Variants in FOXN3 observed in about 807,000 individuals in gnomAD.
The protein encoded by FOXN3 is forkhead box protein N3.
A neutral mutation model predicts 38.4 loss-of-function variants in FOXN3; 7 were observed. The ratio of observed to expected loss-of-function variants is 0.18; its 90% CI spans 0.10 to 0.34. FOXN3 has a LOEUF of 0.34. Among genes scored for constraint, FOXN3 ranks in the 10% least tolerant of loss-of-function variants. The pLI, the probability that FOXN3 is intolerant of heterozygous loss-of-function variation, is 1.00. For missense variants in FOXN3, 456 were observed against 613.4 expected, an observed-to-expected ratio of 0.74 and a Z score of 2.71; for synonymous variants, 230 against 242.2, an observed-to-expected ratio of 0.95 and a Z score of 0.47.
rs1895880432 is a variant in FOXN3 at position 89,588,063 on chromosome 14, TG to T, written c.-15+30964del. The stretch of plus-strand genomic sequence containing the variant: ...GTGGGAGGTGACTGGATCATGGGGA[TG>T]GATTTCTCATGAAAGGTTTAGCACC... On this transcript the variant is annotated intron_variant, in intron 1 of 6. Coordinates refer to the FOXN3 transcript ENST00000345097. Among the ~76,000 whole-genome samples, 4 of 152,158 alleles carry T rather than the reference TG, an allele frequency of 2.6e-5. No individual in the cohort carries two copies. The South Asian group carries it at 8.3e-4, about 32-fold the overall frequency.
intron 4 of FOXN3, among the ~76,000 whole-genome samples, chr14:89,228,735 A>T (rs1460145949): frequency 6.6e-6 from 1 of 152,234 alleles, no homozygotes; most frequent in Non-Finnish European, 1.5e-5. Context: ...TCATTTCCTG[A>T]CAGAGGACTT....
chr14:89,412,175 G>C lies in FOXN3; in HGVS notation c.302C>G (p.Ser101Cys). The change falls in exon 2 of 6, where the codon TCT becomes TGT. Residue 101 changes from serine (S) to cysteine (C), a missense_variant. Around this residue, in one of 3 missense-constraint regions of FOXN3, gnomAD observed 386 missense variants for 505.2 expected, o/e 0.76. Transcript: ENST00000557258. The surrounding 1 kb of genome is among the most constrained non-coding windows in gnomAD (Gnocchi z 4.7). ...CTGCCTGGCATCGTAGGGCATGTCAGAGTGGGCAGGGGATGGGGGGGTGTC... is the reference window on the plus strand; with the variant it reads ...CTGCCTGGCATCGTAGGGCATGTCACAGTGGGCAGGGGATGGGGGGGTGTC... ...DDDTPPSPAH[S>C]DMPYDARQNP... is the part of the protein sequence containing the mutation. The C allele has an allele frequency of 6.2e-7, 1 of 1,612,838 alleles. No homozygotes were observed. Among genetic ancestry groups the C allele is most frequent in the Non-Finnish European group, 8.5e-7 (1 of 1,179,118 alleles).
intron 2 of FOXN3, among the ~76,000 whole-genome samples, chr14:89,371,648 AGACT>A (rs1314438144): frequency 1.3e-5 from 2 of 152,122 alleles, no homozygotes; most frequent in African/African-American, 4.8e-5. Context: ...TAGCCCCAGG[AGACT>A]GACATTTATG....
intron 1 of FOXN3, among the ~76,000 whole-genome samples, chr14:89,568,843 A>G (rs1895422968): frequency 6.6e-6 from 1 of 152,266 alleles, no homozygotes; most frequent in South Asian, 2.1e-4. Context: ...GTATTTACAC[A>G]TGGTTTGGAT....
intron 1 of FOXN3, among the ~76,000 whole-genome samples, chr14:89,560,632 T>C (rs1330909627): frequency 1.3e-5 from 2 of 152,244 alleles, no homozygotes; most frequent in African/African-American, 4.8e-5. Flanking sequence ...CCTATCGTTA[T>C]AGACCAAACA....
At chr14:89,297,475 G>T (rs573191168) in intron 3 of FOXN3, among the ~76,000 whole-genome samples, 1 of 151,786 alleles carries the variant, frequency 6.6e-6, no homozygotes, top group East Asian at 1.9e-4. Context: ...CGAGAGAATG[G>T]CGTGAAACTG....
intron 4 of FOXN3, among the ~76,000 whole-genome samples, chr14:89,242,558 C>T (rs187944498): frequency 4.1e-4 from 62 of 152,116 alleles, no homozygotes; most frequent in African/African-American, 9.2e-4. Flanking sequence ...ATAATAATAA[C>T]GATACCACTA....
intron 3 of FOXN3, among the ~76,000 whole-genome samples, chr14:89,344,390 CAA>C (rs914691088): frequency 7.2e-5 from 11 of 152,072 alleles, no homozygotes; most frequent in African/African-American, 2.4e-4. Context: ...CAAGGAAACA[CAA>C]AACAACGCTG....
intron 1 of FOXN3, among the ~76,000 whole-genome samples, chr14:89,525,403 C>T (rs935733917): frequency 6.6e-6 from 1 of 152,172 alleles, no homozygotes; most frequent in Non-Finnish European, 1.5e-5. Context: ...TTTACAAATG[C>T]ATGGCAATGT....
chr14:89,412,446 G>A lies in FOXN3; in HGVS notation c.31C>T (p.Pro11Ser). ...GAGACACTAATTCCTGAGCTTTCTG[G>A]CTTCTTACTGGGAGGCATGACTGGA... MGPVMPPSKKPESSGISVSSG... is the reference protein window; with the variant it reads MGPVMPPSKKSESSGISVSSG... Residue 11 changes from proline (P) to serine (S), a missense_variant, in exon 2 of 6, where the codon CCA (proline) becomes TCA (serine). This residue lies in a region of FOXN3 where 59 missense variants were observed against 69.0 expected (regional missense o/e 0.85). Coordinates refer to ENST00000557258, the MANE Select transcript of FOXN3 (RefSeq NM_005197.4). The surrounding 1 kb of genome is among the most constrained non-coding windows in gnomAD (Gnocchi z 4.7). The A allele has an allele frequency of 6.2e-7, 1 of 1,609,708 alleles. No homozygotes were observed. The highest frequency in any genetic ancestry group is 8.5e-7 in the Non-Finnish European group (1 of 1,176,670).
At chr14:89,407,978 G>A (rs1277638884) in intron 2 of FOXN3, among the ~76,000 whole-genome samples, 1 of 152,186 alleles carries the variant, frequency 6.6e-6, no homozygotes, top group African/African-American at 2.4e-5. Context: ...TTCTGTGTAT[G>A]TTTGAAAATT....
intron 4 of FOXN3, among the ~76,000 whole-genome samples, chr14:89,226,156 T>C (rs950090274): frequency 1.4e-5 from 2 of 144,416 alleles, no homozygotes; most frequent in Non-Finnish European, 3.0e-5. Flanking sequence ...TTTCTGACCA[T>C]TGATCTACCA....
chr14:89,595,879 T>A (rs1313511504), intron 1 of FOXN3, among the ~76,000 whole-genome samples: 1 of 152,206 alleles, frequency 6.6e-6, no homozygotes, highest in Admixed American at 6.5e-5. Flanking sequence ...AACTCCCTTT[T>A]TATTAGTTTG....
At chr14:89,177,398 A>G (rs1447954182) in intron 5 of FOXN3, among the ~76,000 whole-genome samples, 1 of 152,222 alleles carries the variant, frequency 6.6e-6, no homozygotes, top group East Asian at 1.9e-4. Context: ...GATTTTGTTC[A>G]AAACTCCTAT....
intron 1 of FOXN3, among the ~76,000 whole-genome samples, chr14:89,538,874 C>G (rs1000117658): frequency 6.6e-6 from 1 of 151,966 alleles, no homozygotes; most frequent in Non-Finnish European, 1.5e-5. Flanking sequence ...GACGGAGTCT[C>G]ACTCTGTCGC....
intron 1 of FOXN3, among the ~76,000 whole-genome samples, chr14:89,520,544 C>G (rs1215734581): frequency 3.3e-5 from 5 of 152,172 alleles, no homozygotes. Context: ...CTGCTGAAAT[C>G]TGGCTATACA....
intron 2 of FOXN3, among the ~76,000 whole-genome samples, chr14:89,370,288 T>A (rs1003663000): frequency 1.6e-4 from 25 of 152,292 alleles, no homozygotes; most frequent in Non-Finnish European, 3.1e-4. Flanking sequence ...TTAAAGCCAT[T>A]TATAGCTACA....
intron 4 of FOXN3, among the ~76,000 whole-genome samples, chr14:89,181,579 C>T (rs1300136439): frequency 1.3e-5 from 2 of 152,218 alleles, no homozygotes; most frequent in Non-Finnish European, 2.9e-5. Context: ...AGTCGCTCCT[C>T]ATCCCACCTT....
At chr14:89,458,519 T>G (rs778076456) in intron 1 of FOXN3, among the ~76,000 whole-genome samples, 1 of 152,196 alleles carries the variant, frequency 6.6e-6, no homozygotes, top group Non-Finnish European at 1.5e-5. Context: ...TATTTTACAA[T>G]GCAGTTCTCA....
Sources: allele counts gnomAD v4.1 joint callset (sites outside exome capture counted in the v4.1 genomes callset), GRCh38; gene constraint gnomAD v4.1.1; regional missense constraint gnomAD v4.1.1; non-coding constraint Gnocchi (gnomAD v3.1); transcripts MANE v1.5; gene names NCBI Gene and HGNC (gene_info 2026-07-23, HGNC 2026-07-21).